PAQR5: variants seen among roughly 807,000 people sequenced by gnomAD.
The protein encoded by PAQR5 is progestin and adipoQ receptor family member 5.
Under a neutral mutation model 34.5 loss-of-function variants are expected in PAQR5, and 20 were observed. The observed-to-expected ratio is 0.58, with a 90% CI of 0.41 to 0.84. PAQR5 has a LOEUF of 0.84. Among genes scored for constraint, PAQR5 ranks in the 40% least tolerant of loss-of-function variants. PAQR5 has a pLI of 0.00. For missense variants in PAQR5, 378 were observed against 412.7 expected (o/e 0.92, Z 0.73); for synonymous variants, 131 against 155.6 (o/e 0.84, Z 1.18).
At chr15:69,363,377 A>G (rs2140856317) in intron 3 of PAQR5, among the ~76,000 whole-genome samples, 1 of 152,260 alleles carries the variant, frequency 6.6e-6, no homozygotes, top group South Asian at 2.1e-4. Context: ...GATGTGAACA[A>G]AACCTCAAGG....
intron 1 of PAQR5, among the ~76,000 whole-genome samples, chr15:69,311,457 A>G (rs1000065739): frequency 6.6e-6 from 1 of 152,146 alleles, no homozygotes. Context: ...TTTGTGTGGC[A>G]TTTGTTAGTC....
rs2056752058 is a variant in PAQR5 at position 69,406,526 on chromosome 15, C to G, written c.*2704C>G. On this transcript the variant is annotated 3_prime_UTR_variant, in exon 9 of 9. Transcript: ENST00000395407. ...CTCCTTGTTCTACTCTTCCCCTCTT[C>G]TCACTACTGCACTTGACTAGTCTTA... 1 of 152,248 alleles carries G rather than the reference C, an allele frequency of 6.6e-6. No homozygotes were observed. The highest frequency in any genetic ancestry group is 6.5e-5 in the Admixed American group (1 of 15,276). The allele number at this position is 152,248 out of a possible 1,614,324, so 9.4% of individuals were successfully genotyped here.
intron 5 of PAQR5, among the ~76,000 whole-genome samples, chr15:69,386,097 C>T (rs548644708): frequency 3.2e-4 from 48 of 151,492 alleles, no homozygotes; most frequent in African/African-American, 8.7e-4. Flanking sequence ...CATCCACATA[C>T]GCACCACACA....
chr15:69,324,676 T>C (rs537600770), intron 1 of PAQR5, among the ~76,000 whole-genome samples: 2 of 152,208 alleles, frequency 1.3e-5, no homozygotes, highest in Admixed American at 1.3e-4. Flanking sequence ...ACCCCATTCA[T>C]ATGCAGCGCA....
At chr15:69,310,929 C>T (rs2053817515) in intron 1 of PAQR5, among the ~76,000 whole-genome samples, 1 of 148,190 alleles carries the variant, frequency 6.7e-6, no homozygotes, top group African/African-American at 2.5e-5. Context: ...GTCCCAGCTA[C>T]TCGGGAGGCT....
intron 3 of PAQR5, among the ~76,000 whole-genome samples, chr15:69,362,648 C>G (rs977953219): frequency 2.6e-5 from 4 of 152,180 alleles, no homozygotes; most frequent in Admixed American, 1.3e-4. Context: ...CAGTATCTGC[C>G]TCCTGGGGTT....
At chr15:69,332,779 TAAAA>T (rs56280711) in intron 1 of PAQR5, among the ~76,000 whole-genome samples, 17 of 59,810 alleles carry the variant, frequency 2.8e-4, no homozygotes, top group African/African-American at 9.3e-4. Flanking sequence ...CTAAATCTTG[TAAAA>T]AAAAAAAAAA....
intron 1 of PAQR5, among the ~76,000 whole-genome samples, chr15:69,323,848 A>T (rs1655772148): frequency 6.6e-6 from 1 of 151,266 alleles, no homozygotes; most frequent in African/African-American, 2.5e-5. Context: ...TTATATAGAC[A>T]GTATTACGAG....
At chr15:69,299,151 C>T (rs1291983003) in intron 1 of PAQR5, 95 bp downstream of exon 1, 1 of 152,108 alleles carries the variant, frequency 6.6e-6, no homozygotes, top group Admixed American at 6.5e-5. Context: ...GCCCTGCGCC[C>T]GTGGAGCCCG....
chr15:69,317,195 A>G (rs1376002344), intron 1 of PAQR5, among the ~76,000 whole-genome samples: 2 of 152,186 alleles, frequency 1.3e-5, no homozygotes, highest in African/African-American at 4.8e-5. Flanking sequence ...TTCACAAGGG[A>G]GGAAAGTGAG....
At chr15:69,330,182 C>G (rs2140663475) in intron 1 of PAQR5, among the ~76,000 whole-genome samples, 1 of 152,236 alleles carries the variant, frequency 6.6e-6, no homozygotes, top group East Asian at 1.9e-4. Flanking sequence ...TTACAATACA[C>G]CAGGGAATGT....
intron 1 of PAQR5, among the ~76,000 whole-genome samples, chr15:69,315,248 A>G (rs1225354160): frequency 6.6e-6 from 1 of 152,120 alleles, no homozygotes; most frequent in Non-Finnish European, 1.5e-5. Flanking sequence ...TTCTGCTCTC[A>G]TGTGTCCCCT....
At chr15:69,361,884 G>A (rs1218462452) in intron 3 of PAQR5, among the ~76,000 whole-genome samples, 1 of 152,036 alleles carries the variant, frequency 6.6e-6, no homozygotes, top group African/African-American at 2.4e-5. Flanking sequence ...TGTGGAAGTG[G>A]GGAGAGCATT....
chr15:69,310,269 G>A (rs1327497222), intron 1 of PAQR5, among the ~76,000 whole-genome samples: 4 of 152,138 alleles, frequency 2.6e-5, no homozygotes, highest in Non-Finnish European at 5.9e-5. Flanking sequence ...AGTCCTAGAA[G>A]TGGAATTGGT....
chr15:69,365,393 C>T (rs1284870356), intron 3 of PAQR5, among the ~76,000 whole-genome samples: 3 of 152,230 alleles, frequency 2.0e-5, no homozygotes, highest in African/African-American at 7.2e-5. Context: ...CAGGCGTGAG[C>T]CACCGTGCCC....
At position 69,390,212 on chromosome 15, in the gene PAQR5, C is replaced by T. The variant is rs142602155; in HGVS notation, c.512+432C>T. On this transcript the variant is annotated intron_variant, in intron 6 of 8. Transcript: ENST00000395407. ...TGTATTTTTAGTAGAGACAGGGTTT[C>T]ACCATGTTGGTCAGGCTGGTCTGGA... 2.3e-3 allele frequency among the ~76,000 whole-genome samples: 354 copies of T among 152,232 alleles called. 2 individuals are homozygous for T. Among genetic ancestry groups the T allele is most frequent in the African/African-American group, 8.1e-3 (335 of 41,542 alleles).
At chr15:69,317,770 G>A (rs1191089795) in intron 1 of PAQR5, among the ~76,000 whole-genome samples, 1 of 152,060 alleles carries the variant, frequency 6.6e-6, no homozygotes, top group Non-Finnish European at 1.5e-5. Flanking sequence ...TTCTCCACGT[G>A]CCCACCCTCC....
At chr15:69,314,445 T>C (rs1451691346) in intron 1 of PAQR5, 6 of 152,260 alleles carry the variant, frequency 3.9e-5, no homozygotes, top group African/African-American at 1.4e-4. Flanking sequence ...ATCAGCTCGC[T>C]GTGTGGTCCT....
At chr15:69,326,849 G>T (rs142056880) in intron 1 of PAQR5, among the ~76,000 whole-genome samples, 1 of 140,832 alleles carries the variant, frequency 7.1e-6, no homozygotes. Flanking sequence ...AACATCTTGC[G>T]TTAGTGTGTA....
Sources: gnomAD v4.1 joint callset for allele counts (sites outside exome capture counted in the v4.1 genomes callset) on GRCh38, gnomAD v4.1.1 for gene constraint, MANE v1.5 for transcripts, NCBI Gene and HGNC (gene_info 2026-07-23, HGNC 2026-07-21) for gene names.